COL4A1: variants seen among roughly 807,000 people sequenced by gnomAD.
COL4A1 encodes the protein collagen type IV alpha 1 chain, also known as collagen alpha-1(IV) chain.
In COL4A1, 40 loss-of-function variants were observed where a neutral mutation model predicts 216.6. That is an observed-to-expected ratio of 0.18 (90% CI 0.14 to 0.24). COL4A1 has a LOEUF of 0.24. Ranked by LOEUF, COL4A1 falls within the 10% of genes least tolerant of loss-of-function variation. The probability of loss-of-function intolerance (pLI) is 1.00; values close to 1 mark genes in which losing one functional copy is unlikely to be tolerated. For synonymous variants in COL4A1, 839 were observed against 810.7 expected, an observed-to-expected ratio of 1.03 and a Z score of -0.59; for missense variants, 1,628 against 2,196.8, an observed-to-expected ratio of 0.74 and a Z score of 5.18.
rs556503452 is a variant in COL4A1, at chr13:110,245,635, T to C, written c.85-2901A>G. ...AAGGTTGATAAAATCTCAGAAGCTTTATCTTTCTGCAATTTGAGGGAGGTT... is the reference window on the plus strand; with the variant it reads ...AAGGTTGATAAAATCTCAGAAGCTTCATCTTTCTGCAATTTGAGGGAGGTT... On this transcript the variant is annotated intron_variant, in intron 1 of 51. Coordinates refer to ENST00000375820, the MANE Select transcript of COL4A1 (RefSeq NM_001845.6). Among the ~76,000 whole-genome samples the C allele has an allele frequency of 3.3e-5, 5 of 152,330 alleles. No individual in the cohort carries two copies. In the East Asian group the frequency reaches 9.6e-4, roughly 29 times the overall value.
chr13:110,192,994 C>A (rs145280375), intron 22 of COL4A1, 81 bp from the exon 23 acceptor site: 15 of 1,287,074 alleles, frequency 1.2e-5, no homozygotes, highest in Middle Eastern at 1.9e-4. Flanking sequence ...CAGAAAAAGG[C>A]AAGGCTGTCA....
chr13:110,206,267 G>A (rs930538090), intron 15 of COL4A1, among the ~76,000 whole-genome samples: 1 of 152,176 alleles, frequency 6.6e-6, no homozygotes, highest in East Asian at 1.9e-4. Context: ...TGGGTCTCAC[G>A]CCACCACCAT....
rs1884748146 is a variant in COL4A1 at position 110,306,838 on chromosome 13, C to A, written c.84+106G>T. On this transcript the variant is annotated intron_variant, in intron 1 of 51. Coordinates refer to ENST00000375820, the MANE Select transcript of COL4A1 (RefSeq NM_001845.6). ...AGAATGCACCTGGCCGTGCCACGCG[C>A]GACCCCCGAGGGGCAGGCGGACGGG... The A allele has an allele frequency of 3.7e-6, 4 of 1,089,010 alleles. No individual in the cohort carries two copies. The East Asian group carries it at 1.3e-4, about 35-fold the overall frequency. 67.5% of individuals were successfully genotyped at this position (1,089,010 alleles called of 1,614,324 possible).
intron 2 of COL4A1, among the ~76,000 whole-genome samples, chr13:110,240,476 C>A (rs1363762921): frequency 6.6e-6 from 1 of 152,244 alleles, no homozygotes; most frequent in African/African-American, 2.4e-5. Context: ...CCTCGGGACA[C>A]AACTTCCACG....
chr13:110,155,865 T>C (rs1423754371), intron 49 of COL4A1, among the ~76,000 whole-genome samples: 1 of 152,056 alleles, frequency 6.6e-6, no homozygotes, highest in Non-Finnish European at 1.5e-5. Context: ...TGAGCCGAGA[T>C]TGTGTCAATG....
chr13:110,207,923 C>T lies in COL4A1; in HGVS notation c.694-434G>A, dbSNP rs1192156041. 2.0e-5 allele frequency among the ~76,000 whole-genome samples: 3 copies of T among 152,180 alleles called. No homozygotes were observed. Among genetic ancestry groups the T allele is most frequent in the African/African-American group, 7.2e-5 (3 of 41,430 alleles). Reference sequence around the variant, plus strand: ...TCTCCCTCCTCGGGCATCCTAACTGCCGGGTACGCCTAAAAATTACAACTG... The same window carrying T: ...TCTCCCTCCTCGGGCATCCTAACTGTCGGGTACGCCTAAAAATTACAACTG... On this transcript the variant is annotated intron_variant, in intron 12 of 51. Coordinates refer to ENST00000375820, the MANE Select transcript of COL4A1 (RefSeq NM_001845.6). The surrounding 1 kb of genome is among the most constrained non-coding windows in gnomAD (Gnocchi z 4.4).
intron 1 of COL4A1, among the ~76,000 whole-genome samples, chr13:110,276,373 A>G (rs1170410546): frequency 6.6e-6 from 1 of 152,198 alleles, no homozygotes; most frequent in African/African-American, 2.4e-5. Flanking sequence ...CTGGTTCAAT[A>G]AATCACTGCA....
At chr13:110,168,180 A>G (rs1877430942) in intron 43 of COL4A1, among the ~76,000 whole-genome samples, 2 of 152,142 alleles carry the variant, frequency 1.3e-5, no homozygotes, top group South Asian at 4.2e-4. Flanking sequence ...CCACCATGCT[A>G]ACTTGTGCAT....
At position 110,213,534 on chromosome 13, in the gene COL4A1, A is replaced by G. The variant is rs3737325; in HGVS notation, c.279+248T>C. 0.052 allele frequency among the ~76,000 whole-genome samples: 7,950 copies of G among 152,232 alleles called. 472 individuals carry two copies. The highest frequency in any genetic ancestry group is 0.14 in the African/African-American group (5,691 of 41,514). ...ATTCCTGAAGAAGAACAAATGGGGGAAAGCAAGTTTGCAGAACCAAGGACT... is the reference window on the plus strand; with the variant it reads ...ATTCCTGAAGAAGAACAAATGGGGGGAAGCAAGTTTGCAGAACCAAGGACT... On this transcript the variant is annotated intron_variant, in intron 4 of 51. Coordinates refer to ENST00000375820, the MANE Select transcript of COL4A1 (RefSeq NM_001845.6).
At chr13:110,212,519 T>C in intron 5 of COL4A1, 40 bp from the exon 6 acceptor site, 1 of 1,614,032 alleles carries the variant, frequency 6.2e-7, no homozygotes, top group African/African-American at 1.3e-5. Context: ...AGGCAGAAAA[T>C]CGCCTGATGG....
At chr13:110,212,527 TG>T in intron 5 of COL4A1, 46 bp downstream of exon 5, 1 of 1,614,164 alleles carries the variant, frequency 6.2e-7, no homozygotes, top group Non-Finnish European at 8.5e-7. Flanking sequence ...AATCGCCTGA[TG>T]GAAGAATATT....
rs145064707 is a variant in COL4A1 at position 110,211,582 on chromosome 13, A to G, written c.468+65T>C. 1.3e-4 allele frequency: 192 copies of G among 1,497,502 alleles called. 3 individuals carry two copies. In the African/African-American group the frequency reaches 1.8e-3, roughly 14 times the overall value. The allele number at this position is 1,497,502 out of a possible 1,614,324, so 92.8% of individuals were successfully genotyped here. A position where few individuals can be genotyped will look rare whatever the true frequency, so the allele number is the denominator to read the frequency against. On this transcript the variant is annotated intron_variant, in intron 8 of 51. Coordinates refer to ENST00000375820, the MANE Select transcript of COL4A1 (RefSeq NM_001845.6). The surrounding 1 kb of genome is among the most constrained non-coding windows in gnomAD (Gnocchi z 4.3). ...AGTGGTTTAAAGAGAATGTGCTTCT[A>G]TGGCACTTGTTGTAAACAGATTCCC...
Position 110,174,511 on chromosome 13 carries a change from G to A in COL4A1, c.3341C>T (p.Pro1114Leu), listed in dbSNP as rs369538377. Residue 1114 changes from proline (P) to leucine (L), a missense_variant, in exon 39 of 52, where the codon CCT (proline) becomes CTT (leucine). By Grantham distance (98) the Pro-to-Leu change is moderately conservative. Transcript: ENST00000375820. ...GAGGCCTTTGTCACCTTTTTCTCCA[G>A]GTAGCCCAGGACTTCCTAAAGAAAA... ...SVGYPGSPGL[P>L]GEKGDKGLPG... is the part of the protein sequence containing the mutation. 2 of 1,613,938 alleles carry A rather than the reference G, an allele frequency of 1.2e-6. No individual in the cohort carries two copies. Among genetic ancestry groups the A allele is most frequent in the African/African-American group, 2.7e-5 (2 of 74,874 alleles).
At chr13:110,218,825 CCATTTACGAGCAGA>C (rs1464673468) in intron 2 of COL4A1, among the ~76,000 whole-genome samples, 6 of 152,200 alleles carry the variant, frequency 3.9e-5, no homozygotes, top group African/African-American at 1.4e-4. Flanking sequence ...CTCGAGATTT[CCATTTACGAGCAGA>C]CTGCAAATCA....
intron 18 of COL4A1, among the ~76,000 whole-genome samples, chr13:110,202,631 C>T (rs889608633): frequency 2.0e-5 from 3 of 152,094 alleles, no homozygotes; most frequent in African/African-American, 4.8e-5. Flanking sequence ...AAGGAGAGAA[C>T]GGTAACATTT....
chr13:110,256,223 A>C (rs942222269), intron 1 of COL4A1, among the ~76,000 whole-genome samples: 2 of 152,130 alleles, frequency 1.3e-5, no homozygotes, highest in Non-Finnish European at 2.9e-5. Flanking sequence ...CCCAAGCGAC[A>C]GGGTGAATAG....
In COL4A1 at chr13:110,205,374, G is replaced by A; in HGVS notation, c.936C>T (p.Leu312=). The change falls in exon 17 of 52, where the codon CTC becomes CTT. Residue 312 remains leucine, a synonymous_variant. Transcript: ENST00000375820. The stretch of plus-strand genomic sequence containing the variant: ...TTACCTGCGGGCCCTGGCGGCCTAT[G>A]AGTCCTGGGTACCCGGGTTCACCAG... The part of the protein sequence containing the change: ...GFPGEPGYPG[L]IGRQGPQGEK... The A allele has an allele frequency of 6.2e-7, 1 of 1,614,130 alleles. No homozygotes were observed. Among genetic ancestry groups the A allele is most frequent in the Non-Finnish European group, 8.5e-7 (1 of 1,180,034 alleles).
intron 1 of COL4A1, among the ~76,000 whole-genome samples, chr13:110,286,466 T>C (rs552125): frequency 0.86 from 130,313 of 152,154 alleles, 55,950 homozygotes; most frequent in East Asian, 0.99. Context: ...ATTCAGATTG[T>C]GTGGGGGAGA....
At chr13:110,227,911 T>G (rs1880816984) in intron 2 of COL4A1, among the ~76,000 whole-genome samples, 1 of 152,212 alleles carries the variant, frequency 6.6e-6, no homozygotes, top group African/African-American at 2.4e-5. Context: ...AGGCCCGCTG[T>G]GGAGGAGCTG....
Sources: allele counts gnomAD v4.1 joint callset (sites outside exome capture counted in the v4.1 genomes callset), GRCh38; gene constraint gnomAD v4.1.1; non-coding constraint Gnocchi (gnomAD v3.1); transcripts MANE v1.5; gene names NCBI Gene and HGNC (gene_info 2026-07-23, HGNC 2026-07-21).